FAM81A: variants seen among roughly 807,000 people sequenced by gnomAD.
The protein encoded by FAM81A is family with sequence similarity 81 member A.
In FAM81A, 19 loss-of-function variants were observed where a neutral mutation model predicts 46.7. That is an observed-to-expected ratio of 0.41 (90% CI 0.28 to 0.60). FAM81A has a LOEUF of 0.60. FAM81A is among the 20% of genes least tolerant of loss of function. The probability of loss-of-function intolerance (pLI) is 0.34; values close to 1 mark genes in which losing one functional copy is unlikely to be tolerated. For synonymous variants in FAM81A, 183 were observed against 152.9 expected (o/e 1.20, Z -1.45); for missense variants, 377 against 453.5 (o/e 0.83, Z 1.53).
At chr15:59,429,772 A>G (rs752052239) in intron 2 of FAM81A, among the ~76,000 whole-genome samples, 3 of 152,262 alleles carry the variant, frequency 2.0e-5, no homozygotes, top group Non-Finnish European at 4.4e-5. Flanking sequence ...TTGAATCAGT[A>G]TCAATTAGAC....
At chr15:59,513,568 A>G (rs2082235875) in intron 6 of FAM81A, among the ~76,000 whole-genome samples, 1 of 152,218 alleles carries the variant, frequency 6.6e-6, no homozygotes, top group African/African-American at 2.4e-5. Context: ...TGCTAAGTGC[A>G]ATTCTAAGAA....
At chr15:59,501,802 T>C (rs775879082) in intron 4 of FAM81A, among the ~76,000 whole-genome samples, 1 of 152,200 alleles carries the variant, frequency 6.6e-6, no homozygotes, top group African/African-American at 2.4e-5. Context: ...TTGTTCATCA[T>C]GATGTAAAGC....
At chr15:59,435,011 G>A (rs1596468808), upstream of FAM81A, among the ~76,000 whole-genome samples, 1 of 152,166 alleles carries the variant, frequency 6.6e-6, no homozygotes, top group Admixed American at 6.5e-5. Flanking sequence ...AATTTCAGCC[G>A]GGCTTGGTGG....
At chr15:59,465,025 T>G (rs1387260964) in intron 3 of FAM81A, among the ~76,000 whole-genome samples, 1 of 152,314 alleles carries the variant, frequency 6.6e-6, no homozygotes, top group South Asian at 2.1e-4. Flanking sequence ...TTAATTCTTT[T>G]GCATATGGAT....
rs145887380 is a variant in FAM81A, at chr15:59,410,149, T to C, written c.-78+7791T>C. Reference sequence around the variant, plus strand: ...TCCCGTCTCTACTAAAAATACAAATTTGTCAGGCATGGTGGCGTGCACCTG... The same window carrying C: ...TCCCGTCTCTACTAAAAATACAAATCTGTCAGGCATGGTGGCGTGCACCTG... On this transcript the variant is annotated intron_variant, in intron 2 of 4. Transcript: ENST00000558348. Among the ~76,000 whole-genome samples the C allele has an allele frequency of 1.3e-3, 196 of 151,988 alleles. 1 individual carries two copies. In the East Asian group the frequency reaches 0.035, roughly 27 times the overall value.
Position 59,460,646 on chromosome 15 carries a change from G to T in FAM81A, c.294+440G>T, listed in dbSNP as rs1490259326. ...ACAGTTTATTACTCAAACAATTTAG[G>T]CATTTGGATTGCTCCTCAGACTCCC... On this transcript the variant is annotated intron_variant, in intron 3 of 8. Transcript: ENST00000288228. This position sits in a 1 kb window ranked among gnomAD's most constrained non-coding sequence, Gnocchi z 4.4. The T allele has an allele frequency of 1.7e-5, 4 of 234,710 alleles. No individual in the cohort carries two copies. Among genetic ancestry groups the T allele is most frequent in the Non-Finnish European group, 3.4e-5 (4 of 117,946 alleles). The allele number at this position is 234,710 out of a possible 1,614,324, so 14.5% of individuals were successfully genotyped here.
intron 2 of FAM81A, among the ~76,000 whole-genome samples, chr15:59,402,943 G>C (rs908093272): frequency 2.6e-5 from 4 of 152,088 alleles, no homozygotes; most frequent in Non-Finnish European, 5.9e-5. Context: ...TAAAATTTGA[G>C]ATATTATGAT....
intron 1 of FAM81A, among the ~76,000 whole-genome samples, chr15:59,457,045 G>A (rs1363637810): frequency 1.3e-5 from 2 of 152,202 alleles, no homozygotes; most frequent in African/African-American, 4.8e-5. Context: ...CTTTAAAACT[G>A]TAAAGATTCT....
chr15:59,440,429 C>CA (rs1156360661), intron 1 of FAM81A, among the ~76,000 whole-genome samples: 2 of 151,938 alleles, frequency 1.3e-5, no homozygotes, highest in Non-Finnish European at 2.9e-5. Context: ...CTTGATGCCC[C>CA]AAAAAAGGGA....
At chr15:59,435,492 C>T (rs148919519), upstream of FAM81A, among the ~76,000 whole-genome samples, 274 of 149,770 alleles carry the variant, frequency 1.8e-3, no homozygotes, top group African/African-American at 6.5e-3. Context: ...TGGTGGCGTA[C>T]GTCTGTAGTC....
intron 4 of FAM81A, among the ~76,000 whole-genome samples, chr15:59,499,095 C>G (rs2082064282): frequency 6.6e-6 from 1 of 152,064 alleles, no homozygotes; most frequent in Non-Finnish European, 1.5e-5. Context: ...TTTTTTCCAC[C>G]TATTGAGATG....
intron 4 of FAM81A, among the ~76,000 whole-genome samples, chr15:59,492,753 A>T (rs1377232527): frequency 6.6e-6 from 1 of 152,110 alleles, no homozygotes; most frequent in East Asian, 1.9e-4. Flanking sequence ...TTTTTATTTT[A>T]TTTTCGGAAA....
intron 3 of FAM81A, among the ~76,000 whole-genome samples, chr15:59,472,838 C>A (rs528563251): frequency 1.1e-4 from 16 of 152,218 alleles, no homozygotes; most frequent in Non-Finnish European, 2.2e-4. Context: ...CTCAGAGGAA[C>A]GTAGAAAGTT....
At chr15:59,512,345 G>C (rs558847953) in intron 6 of FAM81A, among the ~76,000 whole-genome samples, 117 of 151,784 alleles carry the variant, frequency 7.7e-4, no homozygotes, top group African/African-American at 2.7e-3. Flanking sequence ...GGTGGTGCGC[G>C]CCTGTAGTCC....
At chr15:59,496,310 G>GA (rs2082032851) in intron 4 of FAM81A, among the ~76,000 whole-genome samples, 1 of 152,142 alleles carries the variant, frequency 6.6e-6, no homozygotes, top group Non-Finnish European at 1.5e-5. Flanking sequence ...CACCCTAGTT[G>GA]AAAAATCACT....
chr15:59,512,899 A>G (rs930481289), intron 6 of FAM81A, among the ~76,000 whole-genome samples: 21 of 152,234 alleles, frequency 1.4e-4, no homozygotes, highest in African/African-American at 4.6e-4. Flanking sequence ...TCATGAGGCT[A>G]TATCTCGCTG....
intron 3 of FAM81A, among the ~76,000 whole-genome samples, chr15:59,470,615 T>C (rs779426771): frequency 2.6e-5 from 4 of 152,218 alleles, no homozygotes; most frequent in African/African-American, 7.2e-5. Context: ...TAATCTTTTT[T>C]CAAGATTTTT....
chr15:59,412,045 G>A (rs1244041188), intron 2 of FAM81A, among the ~76,000 whole-genome samples: 1 of 152,018 alleles, frequency 6.6e-6, no homozygotes, highest in African/African-American at 2.4e-5. Context: ...GAGAAAGGGG[G>A]AGAATGGGAT....
chr15:59,458,469 C>T (rs1474634748), intron 1 of FAM81A, 81 bp from the exon 2 acceptor site: 8 of 887,028 alleles, frequency 9.0e-6, no homozygotes, highest in Middle Eastern at 2.6e-4. Flanking sequence ...TTATGATCCA[C>T]TTAGCAACTT....
Sources: gnomAD v4.1 joint callset for allele counts (sites outside exome capture counted in the v4.1 genomes callset) on GRCh38, gnomAD v4.1.1 for gene constraint, Gnocchi (gnomAD v3.1) non-coding constraint, MANE v1.5 for transcripts, NCBI Gene and HGNC (gene_info 2026-07-23, HGNC 2026-07-21) for gene names.